SUGCT: variants seen among roughly 807,000 people sequenced by gnomAD.
SUGCT encodes the protein succinyl-CoA:glutarate-CoA transferase.
In SUGCT, 41 loss-of-function variants were observed where a neutral mutation model predicts 55.0. The ratio of observed to expected loss-of-function variants is 0.74; its 90% CI spans 0.58 to 0.97. SUGCT has a LOEUF of 0.97. Among genes scored for constraint, SUGCT ranks in the 50% least tolerant of loss-of-function variants. The probability of loss-of-function intolerance (pLI) is 0.00; values close to 1 mark genes in which losing one functional copy is unlikely to be tolerated. For synonymous variants in SUGCT, 187 were observed against 200.4 expected, an observed-to-expected ratio of 0.93 and a Z score of 0.56; for missense variants, 568 against 547.8, an observed-to-expected ratio of 1.04 and a Z score of -0.37.
chr7:40,286,068 C>G (rs946122978), intron 8 of SUGCT, among the ~76,000 whole-genome samples: 2 of 152,242 alleles, frequency 1.3e-5, no homozygotes, highest in African/African-American at 4.8e-5. Flanking sequence ...AATTAAGTTG[C>G]GTCTGTACAA....
chr7:40,907,132 TGTGTGTGTGAGA>T, the SUGCT span, among the ~76,000 whole-genome samples: 2,759 of 49,468 alleles, frequency 0.056, 22 homozygotes, highest in Admixed American at 0.075. Flanking sequence ...TGTGTGTGTG[TGTGTGTGTGAGA>T]GAGAGAGAGA....
intron 12 of SUGCT, among the ~76,000 whole-genome samples, chr7:40,601,894 A>C (rs1439295053): frequency 6.6e-6 from 1 of 152,184 alleles, no homozygotes; most frequent in African/African-American, 2.4e-5. Context: ...TCAAATTGCC[A>C]AATTCAAAGT....
At chr7:40,596,123 T>TA (rs1797997592) in intron 12 of SUGCT, among the ~76,000 whole-genome samples, 2 of 152,192 alleles carry the variant, frequency 1.3e-5, no homozygotes, top group African/African-American at 4.8e-5. Flanking sequence ...TGGGAGGACT[T>TA]ATGAGCTGTG....
intron 13 of SUGCT, among the ~76,000 whole-genome samples, chr7:40,781,480 T>TAC (rs985253488): frequency 5.3e-4 from 81 of 151,576 alleles, no homozygotes; most frequent in Admixed American, 1.8e-3. Flanking sequence ...CACACACACA[T>TAC]ACACACACAC....
the SUGCT span, among the ~76,000 whole-genome samples, chr7:41,016,977 A>C: frequency 6.6e-6 from 1 of 152,240 alleles, no homozygotes; most frequent in African/African-American, 2.4e-5. Context: ...TTAACTCAGC[A>C]TTTCAGGATG....
At chr7:40,726,810 G>A (rs1290883244) in intron 12 of SUGCT, among the ~76,000 whole-genome samples, 1 of 152,112 alleles carries the variant, frequency 6.6e-6, no homozygotes, top group African/African-American at 2.4e-5. Context: ...AATTTTCGTG[G>A]GAGGAACAAG....
intron 12 of SUGCT, among the ~76,000 whole-genome samples, chr7:40,535,955 G>A (rs983801939): frequency 2.0e-5 from 3 of 152,100 alleles, no homozygotes; most frequent in East Asian, 1.9e-4. Context: ...TTTGTTGGCC[G>A]CTTATATGTC....
At chr7:40,192,992 A>C (rs547349417) in intron 5 of SUGCT, among the ~76,000 whole-genome samples, 2 of 146,306 alleles carry the variant, frequency 1.4e-5, no homozygotes, top group South Asian at 4.3e-4. Flanking sequence ...TTTTTGAGAC[A>C]GTCTCACTCT....
intron 1 of SUGCT, among the ~76,000 whole-genome samples, chr7:40,155,778 AG>A (rs1167629245): frequency 6.6e-6 from 1 of 152,190 alleles, no homozygotes; most frequent in Non-Finnish European, 1.5e-5. Flanking sequence ...TAACAAGACA[AG>A]AAAATTTAAG....
chr7:40,253,495 C>A lies in SUGCT; in HGVS notation c.576+15769C>A, dbSNP rs75542297. On this transcript the variant is annotated intron_variant, in intron 7 of 13. Transcript: ENST00000335693. ...GGCACGGACTGGCTGTACTGTACCC[C>A]CCAAATCTAGAACAATGCCTGGAAC... Among the ~76,000 whole-genome samples the A allele has an allele frequency of 6.2e-3, 946 of 152,322 alleles. 7 individuals are homozygous for A. Among genetic ancestry groups the A allele is most frequent in the African/African-American group, 0.021 (893 of 41,564 alleles).
At chr7:40,631,816 T>C (rs1562913528) in intron 12 of SUGCT, among the ~76,000 whole-genome samples, 1 of 152,200 alleles carries the variant, frequency 6.6e-6, no homozygotes, top group Non-Finnish European at 1.5e-5. Context: ...AGAAGACCAC[T>C]GAGTTGATAT....
chr7:40,298,741 T>TG (rs1794333589), intron 8 of SUGCT, among the ~76,000 whole-genome samples: 1 of 152,108 alleles, frequency 6.6e-6, no homozygotes. Flanking sequence ...AGGAATTTTT[T>TG]TTTTTTTTGG....
At chr7:40,694,290 T>C (rs916632600) in intron 12 of SUGCT, among the ~76,000 whole-genome samples, 2 of 152,220 alleles carry the variant, frequency 1.3e-5, no homozygotes, top group African/African-American at 2.4e-5. Flanking sequence ...AGGTCTGCCC[T>C]AACATAACTG....
intron 8 of SUGCT, among the ~76,000 whole-genome samples, chr7:40,309,832 AAACTGGAAT>A (rs1212702911): frequency 6.6e-6 from 1 of 151,594 alleles, no homozygotes; most frequent in Non-Finnish European, 1.5e-5. Context: ...CTAATGGCCA[AAACTGGAAT>A]AATTTGATCA....
chr7:40,763,763 T>C (rs963970171), intron 13 of SUGCT, among the ~76,000 whole-genome samples: 1 of 152,154 alleles, frequency 6.6e-6, no homozygotes, highest in Non-Finnish European at 1.5e-5. Context: ...TAACTTCTCT[T>C]TGTGGTCTTT....
At chr7:40,266,044 C>CA (rs1791550619) in intron 7 of SUGCT, among the ~76,000 whole-genome samples, 2 of 151,674 alleles carry the variant, frequency 1.3e-5, no homozygotes, top group East Asian at 1.9e-4. Flanking sequence ...ATTGCATAAT[C>CA]AAAAAAATAA....
At chr7:40,282,664 G>A (rs547437114) in intron 8 of SUGCT, among the ~76,000 whole-genome samples, 1 of 151,948 alleles carries the variant, frequency 6.6e-6, no homozygotes, top group African/African-American at 2.4e-5. Context: ...GAGGCCAGGA[G>A]TTTGGGACCA....
intron 12 of SUGCT, among the ~76,000 whole-genome samples, chr7:40,572,936 A>G (rs965436495): frequency 6.6e-6 from 1 of 152,212 alleles, no homozygotes; most frequent in Non-Finnish European, 1.5e-5. Flanking sequence ...TCTTGACGTC[A>G]TCTGTCCTCT....
intron 12 of SUGCT, among the ~76,000 whole-genome samples, chr7:40,650,325 AG>A (rs1179888679): frequency 2.6e-5 from 4 of 152,088 alleles, no homozygotes; most frequent in Non-Finnish European, 5.9e-5. Context: ...CTGTGCTCAA[AG>A]GGGGGGATTA....
Sources: gnomAD v4.1 joint callset for allele counts (sites outside exome capture counted in the v4.1 genomes callset) on GRCh38, gnomAD v4.1.1 for gene constraint, MANE v1.5 for transcripts, NCBI Gene and HGNC (gene_info 2026-07-23, HGNC 2026-07-21) for gene names.